The following SLC36A1 variants were observed in gnomAD, a reference collection of about 807,000 sequenced individuals.
SLC36A1 encodes proton-coupled amino acid transporter 1.
Under a neutral mutation model 47.5 loss-of-function variants are expected in SLC36A1, and 30 were observed. The ratio of observed to expected loss-of-function variants is 0.63; its 90% CI spans 0.47 to 0.86. SLC36A1 has a LOEUF of 0.86. Among genes scored for constraint, SLC36A1 ranks in the 40% least tolerant of loss-of-function variants. The probability of loss-of-function intolerance (pLI) is 0.00; values close to 1 mark genes in which losing one functional copy is unlikely to be tolerated. For missense variants in SLC36A1, 517 were observed against 606.0 expected, an observed-to-expected ratio of 0.85 and a Z score of 1.54; for synonymous variants, 255 against 249.7, an observed-to-expected ratio of 1.02 and a Z score of -0.20.
At chr5:151,555,896 T>C in the SLC36A1 span, among the ~76,000 whole-genome samples, 3 of 152,164 alleles carry the variant, frequency 2.0e-5, no homozygotes, top group African/African-American at 7.2e-5. Flanking sequence ...AAGCCTTTCA[T>C]TGAAACAGGC....
chr5:151,527,308 T>A, the SLC36A1 span: 2 of 1,613,856 alleles, frequency 1.2e-6, no homozygotes, highest in South Asian at 2.2e-5. Flanking sequence ...TGGATAGCGA[T>A]GTCTGTGTCC....
At chr5:151,439,659 A>C (rs970297061) in intron 1 of SLC36A1, among the ~76,000 whole-genome samples, 1 of 151,210 alleles carries the variant, frequency 6.6e-6, no homozygotes, top group Admixed American at 6.6e-5. Context: ...TCTCAAAAAA[A>C]AAAGAAAAGA....
chr5:151,551,579 A>G, the SLC36A1 span: 29 of 1,614,064 alleles, frequency 1.8e-5, no homozygotes, highest in East Asian at 6.7e-5. Context: ...GGTCTTCTCA[A>G]TGTCAAAGTC....
chr5:151,537,935 A>G, the SLC36A1 span: 2 of 1,613,954 alleles, frequency 1.2e-6, no homozygotes, highest in Non-Finnish European at 1.7e-6. Flanking sequence ...GAACCTTGCC[A>G]GTATAGAGAA....
chr5:151,527,551 G>A, the SLC36A1 span, among the ~76,000 whole-genome samples: 2 of 152,074 alleles, frequency 1.3e-5, no homozygotes, highest in Non-Finnish European at 2.9e-5. Flanking sequence ...GACAGAAATA[G>A]GTGTGATTCC....
chr5:151,531,504 T>C, the SLC36A1 span: 154 of 1,564,062 alleles, frequency 9.8e-5, no homozygotes, highest in Non-Finnish European at 1.3e-4. This position sits in a 1 kb window ranked among gnomAD's most constrained non-coding sequence, Gnocchi z 5.7. Flanking sequence ...CTGCACAGGG[T>C]AGATACCCAC....
chr5:151,399,084 A>ATATATATATTTT, the SLC36A1 span, among the ~76,000 whole-genome samples: 9 of 60,034 alleles, frequency 1.5e-4, no homozygotes, highest in Non-Finnish European at 2.1e-4. Context: ...ATATATATAT[A>ATATATATATTTT]TTTTTTTTTT....
the SLC36A1 span, chr5:151,543,062 G>T: frequency 6.2e-7 from 1 of 1,614,150 alleles, no homozygotes; most frequent in East Asian, 2.2e-5. Context: ...GAAAATTTCG[G>T]TAAGGATACT....
chr5:151,365,294 A>G, the SLC36A1 span, among the ~76,000 whole-genome samples: 1 of 152,250 alleles, frequency 6.6e-6, no homozygotes, highest in Admixed American at 6.5e-5. Context: ...TATTGAATCA[A>G]GATGTTGCCT....
chr5:151,359,779 T>C, the SLC36A1 span, among the ~76,000 whole-genome samples: 2 of 152,248 alleles, frequency 1.3e-5, no homozygotes, highest in Admixed American at 1.3e-4. Context: ...TTCTTTCACT[T>C]AGCATAACGT....
the SLC36A1 span, chr5:151,550,604 T>C: frequency 6.2e-7 from 1 of 1,614,142 alleles, no homozygotes. Flanking sequence ...ACTGTCAGTG[T>C]GTGCTGGGAG....
the SLC36A1 span, among the ~76,000 whole-genome samples, chr5:151,499,631 C>T: frequency 6.6e-6 from 1 of 152,218 alleles, no homozygotes; most frequent in Non-Finnish European, 1.5e-5. Context: ...GTCCTCATGC[C>T]TGCCTCGGAG....
the SLC36A1 span, among the ~76,000 whole-genome samples, chr5:151,428,520 C>A: frequency 6.6e-6 from 1 of 152,154 alleles, no homozygotes; most frequent in Non-Finnish European, 1.5e-5. Context: ...TCTTTGTTCT[C>A]TTGGCACCGT....
At chr5:151,464,658 A>G in intron 4 of SLC36A1, 56 bp downstream of exon 4, 1 of 1,479,862 alleles carries the variant, frequency 6.8e-7, no homozygotes, top group South Asian at 1.1e-5. Flanking sequence ...GGGTTCTGTT[A>G]TCAACCCTGA....
At chr5:151,554,301 C>A in the SLC36A1 span, 1 of 1,498,124 alleles carries the variant, frequency 6.7e-7, no homozygotes, top group Non-Finnish European at 9.1e-7. Flanking sequence ...CCTGAATTCT[C>A]AAAGAAGGCC....
chr5:151,470,089 C>G (rs1757104384), intron 7 of SLC36A1, among the ~76,000 whole-genome samples: 1 of 152,242 alleles, frequency 6.6e-6, no homozygotes, highest in East Asian at 1.9e-4. Flanking sequence ...ATAAATAGTT[C>G]TTCACGTCCC....
chr5:151,453,390 A>G lies in SLC36A1; in HGVS notation c.-5-5398A>G, dbSNP rs144241481. Among the ~76,000 whole-genome samples the G allele has an allele frequency of 7.4e-4, 112 of 151,696 alleles. 2 individuals are homozygous for G. The East Asian group carries it at 0.021, about 28-fold the overall frequency. ...TTATTAATTCATGGGATATTTCACA[A>G]TTTTTTTGTTACCAGTTCATTGAAA... On this transcript the variant is annotated intron_variant, in intron 1 of 10. Transcript: ENST00000243389.
chr5:151,468,266 A>AAATAT lies in SLC36A1; in HGVS notation c.723+342_723+343insATATA, dbSNP rs55642458. Among the ~76,000 whole-genome samples, 66 of 63,798 alleles carry AAATAT rather than the reference A, an allele frequency of 1.0e-3. 1 individual carries two copies. The highest frequency in any genetic ancestry group is 5.0e-3 in the African/African-American group (57 of 11,362). The allele number at this position is 63,798 out of a possible 152,430, so 41.9% of individuals were successfully genotyped here. A position where few individuals can be genotyped will look rare whatever the true frequency, so the allele number is the denominator to read the frequency against. ...GACTCTGTCTCAAAAAAAAAAAAAA[A>AAATAT]ATATATATATATATATATATATATA... On this transcript the variant is annotated intron_variant, in intron 7 of 10. Coordinates refer to ENST00000243389, the MANE Select transcript of SLC36A1 (RefSeq NM_078483.4).
chr5:151,472,214 T>G (rs1048169541), intron 7 of SLC36A1, among the ~76,000 whole-genome samples: 1 of 152,248 alleles, frequency 6.6e-6, no homozygotes, highest in Admixed American at 6.5e-5. Flanking sequence ...GTCCCAAAGC[T>G]GAAGAACTCG....
Sources: allele counts gnomAD v4.1 joint callset (sites outside exome capture counted in the v4.1 genomes callset), GRCh38; gene constraint gnomAD v4.1.1; non-coding constraint Gnocchi (gnomAD v3.1); transcripts MANE v1.5; gene names NCBI Gene and HGNC (gene_info 2026-07-23, HGNC 2026-07-21).